KCNH5: variants seen among roughly 807,000 people sequenced by gnomAD.
The protein encoded by KCNH5 is potassium voltage-gated channel subfamily H member 5, also known as voltage-gated delayed rectifier potassium channel KCNH5.
In KCNH5, 46 loss-of-function variants were observed where a neutral mutation model predicts 96.1. The ratio of observed to expected loss-of-function variants is 0.48; its 90% CI spans 0.38 to 0.61. The LOEUF (loss-of-function observed/expected upper bound fraction) is 0.61. Ranked by LOEUF, KCNH5 falls within the 20% of genes least tolerant of loss-of-function variation. KCNH5 has a pLI of 0.00. For synonymous variants in KCNH5, 439 were observed against 449.8 expected (o/e 0.98, Z 0.30); for missense variants, 907 against 1,225.8 (o/e 0.74, Z 3.88).
chr14:62,853,929 C>T (rs542470909), intron 7 of KCNH5, among the ~76,000 whole-genome samples: 1 of 150,422 alleles, frequency 6.6e-6, no homozygotes, highest in Admixed American at 6.7e-5. Flanking sequence ...ATCGCTTGAA[C>T]CCGGGAGGCG....
chr14:62,884,405 G>T (rs1888554463), intron 7 of KCNH5, among the ~76,000 whole-genome samples: 1 of 152,192 alleles, frequency 6.6e-6, no homozygotes. Context: ...TGGGCAGATT[G>T]CCTGGCTTCA....
chr14:62,716,799 G>A (rs1197394392), intron 10 of KCNH5, among the ~76,000 whole-genome samples: 2 of 151,876 alleles, frequency 1.3e-5, no homozygotes, highest in Non-Finnish European at 2.9e-5. Flanking sequence ...TTCTAGCCAA[G>A]GAAATTGTCA....
At chr14:62,901,041 T>G (rs1888914674) in intron 7 of KCNH5, among the ~76,000 whole-genome samples, 1 of 152,070 alleles carries the variant, frequency 6.6e-6, no homozygotes, top group South Asian at 2.1e-4. Context: ...CAGGCTGGAG[T>G]GCAGTGGCAT....
At position 62,707,400 on chromosome 14, in the gene KCNH5, T is replaced by C. The variant is rs1182437640; in HGVS notation, c.*108A>G. ...CAATATTTACATATCAAAATCCATG[T>C]GTGGTCATCATCTTGAAAGCAAGTG... On this transcript the variant is annotated 3_prime_UTR_variant, in exon 11 of 11. Coordinates refer to ENST00000322893, the MANE Select transcript of KCNH5 (RefSeq NM_139318.5). 7.9e-6 allele frequency: 4 copies of C among 507,406 alleles called. No individual in the cohort carries two copies. The South Asian group carries it at 3.2e-4, about 41-fold the overall frequency. 31.4% of individuals were successfully genotyped at this position (507,406 alleles called of 1,614,324 possible). A position where few individuals can be genotyped will look rare whatever the true frequency, so the allele number is the denominator to read the frequency against.
chr14:62,768,511 A>T (rs1235886761), intron 10 of KCNH5, among the ~76,000 whole-genome samples: 3 of 152,200 alleles, frequency 2.0e-5, no homozygotes, highest in Non-Finnish European at 4.4e-5. Context: ...TCCAGCTAAG[A>T]TGCCTCTAGA....
intron 7 of KCNH5, among the ~76,000 whole-genome samples, chr14:62,947,566 C>T (rs2140128209): frequency 6.6e-6 from 1 of 152,270 alleles, no homozygotes; most frequent in Non-Finnish European, 1.5e-5. Flanking sequence ...CAATAGCTTT[C>T]AGACATTCTA....
intron 7 of KCNH5, among the ~76,000 whole-genome samples, chr14:62,863,899 G>A (rs1888084146): frequency 6.6e-6 from 1 of 152,078 alleles, no homozygotes; most frequent in Non-Finnish European, 1.5e-5. Context: ...ATCTGAATGT[G>A]AGGGTGAATG....
Position 63,042,945 on chromosome 14 carries a change from C to T in KCNH5, c.73+2169G>A, listed in dbSNP as rs372574175. Among the ~76,000 whole-genome samples the T allele has an allele frequency of 4.4e-4, 67 of 152,060 alleles. 5 individuals carry two copies. In the South Asian group the frequency reaches 5.4e-3, roughly 12 times the overall value. On this transcript the variant is annotated intron_variant, in intron 1 of 10. Coordinates refer to ENST00000322893, the MANE Select transcript of KCNH5 (RefSeq NM_139318.5). Reference sequence around the variant, plus strand: ...AGTGGTATTCAAAGTTAGCCATAGGCGATTAGAGGTGGCATTTAAGTGCCA... The same window carrying T: ...AGTGGTATTCAAAGTTAGCCATAGGTGATTAGAGGTGGCATTTAAGTGCCA...
chr14:63,016,443 C>T (rs963139364), intron 2 of KCNH5, among the ~76,000 whole-genome samples: 3 of 151,860 alleles, frequency 2.0e-5, no homozygotes. Context: ...TTAACTTGGC[C>T]AGGTGGTGTT....
chr14:62,787,133 C>A (rs1265181456), intron 9 of KCNH5, among the ~76,000 whole-genome samples: 1 of 152,140 alleles, frequency 6.6e-6, no homozygotes, highest in Non-Finnish European at 1.5e-5. Context: ...CCTCTTGCAC[C>A]AAACAGCTAG....
At chr14:62,934,879 G>C (rs114376693) in intron 7 of KCNH5, among the ~76,000 whole-genome samples, 1,637 of 152,262 alleles carry the variant, frequency 0.011, 46 homozygotes, top group African/African-American at 0.037. Context: ...GTGGGTGGCA[G>C]TGAAACATAA....
At chr14:62,791,729 T>C (rs1886439442) in intron 9 of KCNH5, among the ~76,000 whole-genome samples, 1 of 151,668 alleles carries the variant, frequency 6.6e-6, no homozygotes, top group African/African-American at 2.4e-5. Context: ...ATATAACAAC[T>C]GTAAATATAT....
intron 7 of KCNH5, among the ~76,000 whole-genome samples, chr14:62,945,036 G>A (rs1423973665): frequency 6.6e-6 from 1 of 152,116 alleles, no homozygotes; most frequent in East Asian, 1.9e-4. Context: ...AAGAGATGAG[G>A]AGAAATGGAA....
rs182889127 is a variant in KCNH5 at position 62,967,204 on chromosome 14, T to C, written c.942+13668A>G. Among the ~76,000 whole-genome samples the C allele has an allele frequency of 2.0e-4, 30 of 152,266 alleles. No individual in the cohort carries two copies. The East Asian group carries it at 2.1e-3, about 11-fold the overall frequency. The stretch of plus-strand genomic sequence containing the variant: ...CCTTATCAAGTTATTTATAGTTTAT[T>C]AAAAGTTCCTCACAGTCTAGATGCA... On this transcript the variant is annotated intron_variant, in intron 6 of 10. Transcript: ENST00000322893.
At chr14:62,813,215 A>G (rs192654524) in intron 8 of KCNH5, among the ~76,000 whole-genome samples, 21 of 152,234 alleles carry the variant, frequency 1.4e-4, no homozygotes, top group Non-Finnish European at 2.2e-4. Context: ...TCTCTCTTTA[A>G]TCTTCCAAAT....
intron 4 of KCNH5, among the ~76,000 whole-genome samples, chr14:62,990,980 C>G (rs1890798290): frequency 6.6e-6 from 1 of 152,126 alleles, no homozygotes; most frequent in Non-Finnish European, 1.5e-5. Context: ...GGGGGATCAC[C>G]CCCATGATCT....
intron 1 of KCNH5, among the ~76,000 whole-genome samples, chr14:63,017,948 A>C (rs55820878): frequency 0.43 from 65,034 of 151,100 alleles, 14,449 homozygotes; most frequent in East Asian, 0.58. Flanking sequence ...CTGTATAAAA[A>C]ACTGCTCTGG....
At chr14:62,755,835 C>T (rs1885610300) in intron 10 of KCNH5, among the ~76,000 whole-genome samples, 1 of 151,860 alleles carries the variant, frequency 6.6e-6, no homozygotes, top group African/African-American at 2.4e-5. Flanking sequence ...TAAATCATAC[C>T]AACACAATGA....
At chr14:62,803,874 G>A (rs1486541773) in intron 8 of KCNH5, among the ~76,000 whole-genome samples, 7 of 151,958 alleles carry the variant, frequency 4.6e-5, no homozygotes, top group South Asian at 2.1e-4. Flanking sequence ...TTCTTTGATC[G>A]GATTTCAATC....
Sources: gnomAD v4.1 joint callset for allele counts (sites outside exome capture counted in the v4.1 genomes callset) on GRCh38, gnomAD v4.1.1 for gene constraint, MANE v1.5 for transcripts, NCBI Gene and HGNC (gene_info 2026-07-23, HGNC 2026-07-21) for gene names.